Variants in SH3BGRL observed in about 807,000 individuals in gnomAD.
SH3BGRL encodes the protein adapter SH3BGRL.
SH3BGRL carries 7 observed loss-of-function variants against 9.8 expected under a neutral mutation model. That is an observed-to-expected ratio of 0.72 (90% confidence interval 0.41 to 1.35). The LOEUF is 1.35. SH3BGRL is among the 40% of genes most tolerant of loss of function. The probability of loss-of-function intolerance (pLI) is 0.01; values close to 1 mark genes in which losing one functional copy is unlikely to be tolerated. For missense variants in SH3BGRL, 73 were observed against 84.4 expected (o/e 0.86, Z 0.53); for synonymous variants, 36 against 29.1 (o/e 1.24, Z -0.76).
intron 1 of SH3BGRL, among the ~76,000 whole-genome samples, chrX:81,243,441 A>G (rs2075677923): frequency 1.8e-5 from 2 of 112,042 alleles, no homozygotes; most frequent in Admixed American, 1.9e-4. Flanking sequence ...GGTACAAAAA[A>G]GTTGGAAAGA....
chrX:81,204,581 T>C (rs2075539982), intron 1 of SH3BGRL, among the ~76,000 whole-genome samples: 1 of 110,039 alleles, frequency 9.1e-6, no homozygotes, highest in African/African-American at 3.4e-5. Context: ...ATCTTCCTAC[T>C]GGTTGTCATT....
At chrX:81,268,255 C>T (rs2075764704) in intron 1 of SH3BGRL, among the ~76,000 whole-genome samples, 1 of 110,831 alleles carries the variant, frequency 9.0e-6, no homozygotes, top group South Asian at 3.8e-4. Flanking sequence ...TTCTTGTCTT[C>T]TGCTAGCTTT....
At chrX:81,210,362 A>G (rs747981031) in intron 1 of SH3BGRL, among the ~76,000 whole-genome samples, 4 of 111,503 alleles carry the variant, frequency 3.6e-5, no homozygotes, top group Admixed American at 1.9e-4. Flanking sequence ...TCAGTATGTT[A>G]TATCAAATTT....
chrX:81,216,479 A>G (rs1200898170), intron 1 of SH3BGRL, among the ~76,000 whole-genome samples: 1 of 110,989 alleles, frequency 9.0e-6, no homozygotes, highest in Non-Finnish European at 1.9e-5. Flanking sequence ...AAAATGTATA[A>G]TAAATTATTG....
intron 1 of SH3BGRL, among the ~76,000 whole-genome samples, chrX:81,254,737 A>T (rs951704852): frequency 8.9e-6 from 1 of 111,774 alleles, no homozygotes; most frequent in Non-Finnish European, 1.9e-5. Flanking sequence ...AGGGAAATGC[A>T]GTATTTTTGT....
intron 1 of SH3BGRL, among the ~76,000 whole-genome samples, chrX:81,250,226 C>A (rs1467957611): frequency 9.3e-6 from 1 of 107,554 alleles, no homozygotes; most frequent in Admixed American, 1.0e-4. Context: ...TGGTGAAACC[C>A]CGTTTCTACT....
intron 3 of SH3BGRL, among the ~76,000 whole-genome samples, chrX:81,284,834 C>T (rs2075829422): frequency 9.0e-6 from 1 of 110,686 alleles, no homozygotes; most frequent in Non-Finnish European, 1.9e-5. Flanking sequence ...AAATAAAAAA[C>T]AGCTAAGCAG....
At chrX:81,267,797 C>G (rs2075762895) in intron 1 of SH3BGRL, among the ~76,000 whole-genome samples, 1 of 111,105 alleles carries the variant, frequency 9.0e-6, no homozygotes, top group African/African-American at 3.3e-5. Context: ...TGCAATAAAG[C>G]TCCTCTTTGT....
intron 1 of SH3BGRL, among the ~76,000 whole-genome samples, chrX:81,256,449 T>C (rs975682921): frequency 1.8e-5 from 2 of 112,002 alleles, no homozygotes; most frequent in Admixed American, 1.9e-4. Flanking sequence ...ATTATCAAGA[T>C]ATAATTTCTT....
intron 1 of SH3BGRL, among the ~76,000 whole-genome samples, chrX:81,269,584 C>G (rs914075698): frequency 1.8e-5 from 2 of 111,870 alleles, no homozygotes; most frequent in Non-Finnish European, 3.8e-5. Flanking sequence ...GCTGAGAGAT[C>G]CACTGTTAGT....
intron 3 of SH3BGRL, among the ~76,000 whole-genome samples, chrX:81,294,248 C>A (rs1325265982): frequency 9.0e-6 from 1 of 111,269 alleles, no homozygotes; most frequent in Non-Finnish European, 1.9e-5. Flanking sequence ...TGTCAGAGGT[C>A]TTCACGGCAG....
At chrX:81,272,500 T>C (rs924848809) in intron 1 of SH3BGRL, among the ~76,000 whole-genome samples, 5 of 108,279 alleles carry the variant, frequency 4.6e-5, no homozygotes, top group South Asian at 4.0e-4. Flanking sequence ...TTTTTTTCTT[T>C]TCTTTTTTTT....
At chrX:81,232,827 A>C (rs748059805) in intron 1 of SH3BGRL, among the ~76,000 whole-genome samples, 3 of 111,814 alleles carry the variant, frequency 2.7e-5, no homozygotes, top group Non-Finnish European at 5.7e-5. Flanking sequence ...GACTCACCTC[A>C]GTCACTTCAC....
chrX:81,295,975 A>G (rs2075873105), intron 3 of SH3BGRL, among the ~76,000 whole-genome samples: 1 of 111,285 alleles, frequency 9.0e-6, no homozygotes, highest in Non-Finnish European at 1.9e-5. Flanking sequence ...TACCAATTTT[A>G]TGTATTAGTT....
intron 1 of SH3BGRL, among the ~76,000 whole-genome samples, chrX:81,218,079 C>T (rs1363636101): frequency 9.0e-6 from 1 of 110,706 alleles, no homozygotes; most frequent in Non-Finnish European, 1.9e-5. Context: ...CTCCTGCTTG[C>T]TTTTGGTTTT....
chrX:81,203,079 C>A (rs1044839260), intron 1 of SH3BGRL, among the ~76,000 whole-genome samples: 2 of 111,520 alleles, frequency 1.8e-5, no homozygotes, highest in Non-Finnish European at 3.8e-5. Flanking sequence ...TTTAGAATAA[C>A]AAATTTTCAG....
At chrX:81,239,975 G>C (rs2075662654) in intron 1 of SH3BGRL, among the ~76,000 whole-genome samples, 1 of 112,053 alleles carries the variant, frequency 8.9e-6, no homozygotes, top group Admixed American at 9.4e-5. Flanking sequence ...CAAAAGCTGA[G>C]GGTTTTCATT....
At chrX:81,203,325 A>G (rs1263122775) in intron 1 of SH3BGRL, among the ~76,000 whole-genome samples, 1 of 111,307 alleles carries the variant, frequency 9.0e-6, no homozygotes, top group Non-Finnish European at 1.9e-5. Flanking sequence ...ACCTGAGAGG[A>G]TGTGGAATGG....
At chrX:81,276,593 G>A (rs953910824) in intron 1 of SH3BGRL, among the ~76,000 whole-genome samples, 6 of 111,036 alleles carry the variant, frequency 5.4e-5, no homozygotes, top group Non-Finnish European at 1.1e-4. Context: ...GGAAGCAGAC[G>A]CATCATTTGG....
Sources: gnomAD v4.1 joint callset for allele counts (sites outside exome capture counted in the v4.1 genomes callset) on GRCh38, gnomAD v4.1.1 for gene constraint, MANE v1.5 for transcripts, NCBI Gene and HGNC (gene_info 2026-07-23, HGNC 2026-07-21) for gene names.